ANGPT1: variants seen among roughly 807,000 people sequenced by gnomAD.
ANGPT1 encodes the protein angiopoietin 1, also known as angiopoietin-1.
In ANGPT1, 17 loss-of-function variants were observed where a neutral mutation model predicts 62.2. The ratio of observed to expected loss-of-function variants is 0.27; its 90% CI spans 0.19 to 0.41. The LOEUF (loss-of-function observed/expected upper bound fraction) is 0.41, where lower values mean the gene tolerates loss of function less well. ANGPT1 is among the 10% of genes least tolerant of loss of function. ANGPT1 has a pLI of 1.00. For synonymous variants in ANGPT1, 199 were observed against 198.9 expected, an observed-to-expected ratio of 1.00 and a Z score of 0.00; for missense variants, 478 against 594.9, an observed-to-expected ratio of 0.80 and a Z score of 2.04.
At chr8:107,280,783 T>C (rs1041326616) in intron 7 of ANGPT1, among the ~76,000 whole-genome samples, 3 of 152,124 alleles carry the variant, frequency 2.0e-5, no homozygotes, top group African/African-American at 7.2e-5. Context: ...TGCAGATATT[T>C]GAACACTGTT....
intron 7 of ANGPT1, among the ~76,000 whole-genome samples, chr8:107,269,287 G>C (rs1031202848): frequency 6.6e-6 from 1 of 151,782 alleles, no homozygotes; most frequent in African/African-American, 2.4e-5. Flanking sequence ...TCACTCATTA[G>C]TGCCAAGTAT....
At position 107,373,897 on chromosome 8, in the gene ANGPT1, TAAG is replaced by T. The variant is rs1356265651; in HGVS notation, c.298-26803_298-26801del. ...ATTCTCTTAGAAGAAATGACTTAGT[TAAG>T]AAGAAGAGTCTTGGAAAGATACTGC... is the stretch of plus-strand genomic sequence containing the variant. On this transcript the variant is annotated intron_variant, in intron 1 of 8. Coordinates refer to ENST00000517746, the MANE Select transcript of ANGPT1 (RefSeq NM_001146.5). 2.0e-5 allele frequency among the ~76,000 whole-genome samples: 3 copies of T among 152,326 alleles called. No individual in the cohort carries two copies. In the East Asian group the frequency reaches 5.8e-4, roughly 29 times the overall value.
intron 1 of ANGPT1, among the ~76,000 whole-genome samples, chr8:107,438,332 A>G (rs1316443423): frequency 6.6e-6 from 1 of 150,854 alleles, no homozygotes; most frequent in Non-Finnish European, 1.5e-5. Flanking sequence ...CTCCATCTTT[A>G]TTAGTCTTTG....
At chr8:107,425,637 T>C (rs1245398633) in intron 1 of ANGPT1, among the ~76,000 whole-genome samples, 1 of 152,192 alleles carries the variant, frequency 6.6e-6, no homozygotes, top group East Asian at 1.9e-4. Flanking sequence ...CACATCAGTC[T>C]CAAGGTGTGC....
At chr8:107,431,658 C>T (rs1811189799) in intron 1 of ANGPT1, among the ~76,000 whole-genome samples, 2 of 152,152 alleles carry the variant, frequency 1.3e-5, no homozygotes, top group Non-Finnish European at 2.9e-5. Context: ...TTCCAGTTCT[C>T]CCAACATACT....
intron 1 of ANGPT1, among the ~76,000 whole-genome samples, chr8:107,460,586 C>T (rs563865089): frequency 6.6e-6 from 1 of 152,246 alleles, no homozygotes; most frequent in African/African-American, 2.4e-5. Context: ...TAAATCCCTG[C>T]TGCAAAATGA....
chr8:107,475,566 A>G (rs1187659954), intron 1 of ANGPT1, among the ~76,000 whole-genome samples: 1 of 152,246 alleles, frequency 6.6e-6, no homozygotes, highest in Non-Finnish European at 1.5e-5. Flanking sequence ...CAATGGCAAC[A>G]AAAGCCAAAA....
rs191975570 is a variant in ANGPT1 at position 107,390,787 on chromosome 8, A to G, written c.298-43690T>C. Reference sequence around the variant, plus strand: ...CTACCATTATACCCATTTTTCAGAGAGAGGAACTGAGTCACAGAAAGATTC... The same window carrying G: ...CTACCATTATACCCATTTTTCAGAGGGAGGAACTGAGTCACAGAAAGATTC... On this transcript the variant is annotated intron_variant, in intron 1 of 8. Transcript: ENST00000517746. Among the ~76,000 whole-genome samples, 12 of 152,254 alleles carry G rather than the reference A, an allele frequency of 7.9e-5. No homozygotes were observed. In the East Asian group the frequency reaches 2.1e-3, roughly 27 times the overall value.
At chr8:107,440,572 C>A (rs1041924335) in intron 1 of ANGPT1, among the ~76,000 whole-genome samples, 1 of 152,130 alleles carries the variant, frequency 6.6e-6, no homozygotes, top group African/African-American at 2.4e-5. Flanking sequence ...ATTGTCAATT[C>A]TTTTGTGACT....
At chr8:107,370,176 G>GA (rs1291848259) in intron 1 of ANGPT1, among the ~76,000 whole-genome samples, 20,888 of 85,660 alleles carry the variant, frequency 0.24, 2,770 homozygotes, top group Admixed American at 0.34. Context: ...AAGAGAGAAA[G>GA]AAGAAAGAAA....
At chr8:107,279,649 T>A (rs4236785) in intron 7 of ANGPT1, among the ~76,000 whole-genome samples, 114,593 of 151,282 alleles carry the variant, frequency 0.76, 43,712 homozygotes, top group Middle Eastern at 0.83. Flanking sequence ...GCTAGCTTAG[T>A]CAGTAATTTG....
At chr8:107,462,485 A>C (rs1812094515) in intron 1 of ANGPT1, among the ~76,000 whole-genome samples, 1 of 151,918 alleles carries the variant, frequency 6.6e-6, no homozygotes. Flanking sequence ...GACATTTAAA[A>C]TCCAGGGGTT....
chr8:107,481,381 A>C (rs894267721), intron 1 of ANGPT1, among the ~76,000 whole-genome samples: 2 of 151,920 alleles, frequency 1.3e-5, no homozygotes, highest in Admixed American at 6.6e-5. Flanking sequence ...AAAAATACAA[A>C]AAATTAGCCA....
intron 5 of ANGPT1, among the ~76,000 whole-genome samples, chr8:107,297,854 C>T (rs1328381026): frequency 6.8e-6 from 1 of 146,814 alleles, no homozygotes; most frequent in Non-Finnish European, 1.5e-5. Flanking sequence ...TATTTTTAGT[C>T]AGAAAAAAAA....
At chr8:107,471,544 TAAAGCTAAAAAAACAA>T (rs1283928727) in intron 1 of ANGPT1, among the ~76,000 whole-genome samples, 1 of 152,124 alleles carries the variant, frequency 6.6e-6, no homozygotes, top group African/African-American at 2.4e-5. Flanking sequence ...CCCCAGAACT[TAAAGCTAAAAAAACAA>T]AAATCATAAA....
chr8:107,310,231 T>C (rs76692306), intron 4 of ANGPT1, among the ~76,000 whole-genome samples: 1,945 of 152,302 alleles, frequency 0.013, 46 homozygotes, highest in African/African-American at 0.044. Context: ...TTTACATGCT[T>C]CATTTTGTTC....
At chr8:107,495,374 T>C (rs1279205961) in intron 1 of ANGPT1, among the ~76,000 whole-genome samples, 8 of 152,092 alleles carry the variant, frequency 5.3e-5, no homozygotes, top group African/African-American at 1.9e-4. Flanking sequence ...CCATAATCAT[T>C]GACCAAGAAC....
chr8:107,416,920 TA>T (rs922799656), intron 1 of ANGPT1, among the ~76,000 whole-genome samples: 1 of 151,826 alleles, frequency 6.6e-6, no homozygotes, highest in African/African-American at 2.4e-5. Context: ...GGTTCCCCAG[TA>T]GCTAGGACTA....
intron 3 of ANGPT1, among the ~76,000 whole-genome samples, chr8:107,329,351 C>T (rs1430431719): frequency 1.3e-5 from 2 of 151,926 alleles, no homozygotes; most frequent in African/African-American, 2.4e-5. Context: ...ATTTAATATA[C>T]ATGTATATAC....
Sources: gnomAD v4.1 joint callset for allele counts (sites outside exome capture counted in the v4.1 genomes callset) on GRCh38, gnomAD v4.1.1 for gene constraint, MANE v1.5 for transcripts, NCBI Gene and HGNC (gene_info 2026-07-23, HGNC 2026-07-21) for gene names.